The following RNF141 variants were observed in gnomAD, a reference collection of about 807,000 sequenced individuals.
RNF141 encodes the protein C3HC4-like zinc finger protein.
In RNF141, 18 loss-of-function variants were observed where a neutral mutation model predicts 27.4. That is an observed-to-expected ratio of 0.66 (90% CI 0.45 to 0.97). The LOEUF is 0.97. Among genes scored for constraint, RNF141 ranks in the 50% least tolerant of loss-of-function variants. The pLI, the probability that RNF141 is intolerant of heterozygous loss-of-function variation, is 0.00. For synonymous variants in RNF141, 97 were observed against 96.6 expected (o/e 1.00, Z -0.02); for missense variants, 230 against 279.4 (o/e 0.82, Z 1.26).
Position 10,514,886 on chromosome 11 carries a change from C to T in RNF141, c.*30G>A, listed in dbSNP as rs780777449. The T allele has an allele frequency of 1.9e-6, 3 of 1,583,822 alleles. No individual in the cohort carries two copies. The highest frequency in any genetic ancestry group is 2.7e-5 in the African/African-American group (2 of 73,778). ...CCCCATGACCAAATATTTGAGCCCACAATAGCAACAGAAGACTTTCACTTC... is the reference window on the plus strand; with the variant it reads ...CCCCATGACCAAATATTTGAGCCCATAATAGCAACAGAAGACTTTCACTTC... On this transcript the variant is annotated 3_prime_UTR_variant, in exon 6 of 6. Coordinates refer to ENST00000265981, the MANE Select transcript of RNF141 (RefSeq NM_016422.4).
rs1186947695 is a variant in RNF141 at position 10,515,263 on chromosome 11, T to C, written c.543-197A>G. 2.7e-5 allele frequency: 16 copies of C among 600,000 alleles called. No individual in the cohort carries two copies. The Admixed American group carries it at 5.3e-4, about 20-fold the overall frequency. 37.2% of individuals were successfully genotyped at this position (600,000 alleles called of 1,614,324 possible). On this transcript the variant is annotated intron_variant, in intron 5 of 5. Transcript: ENST00000265981. The stretch of plus-strand genomic sequence containing the variant: ...CCACAGTTACCAGTTTCTTATATAT[T>C]CCTCCAGAGATAGACTAAGCTGGAT...
At chr11:10,533,074 G>A (rs1292686697) in intron 2 of RNF141, among the ~76,000 whole-genome samples, 2 of 152,144 alleles carry the variant, frequency 1.3e-5, no homozygotes, top group African/African-American at 4.8e-5. Context: ...CATTTAAGAG[G>A]TGACTCCACA....
chr11:10,524,205 G>A (rs867540870), intron 4 of RNF141, among the ~76,000 whole-genome samples: 2 of 152,124 alleles, frequency 1.3e-5, no homozygotes, highest in Non-Finnish European at 2.9e-5. Flanking sequence ...CATGAGGTTG[G>A]GAAATGGAGA....
At position 10,512,425 on chromosome 11, in the gene RNF141, T is replaced by C. The variant is rs973123378; in HGVS notation, c.*2491A>G. The C allele has an allele frequency of 1.3e-5, 2 of 152,654 alleles. No homozygotes were observed. Among genetic ancestry groups the C allele is most frequent in the African/African-American group, 4.8e-5 (2 of 41,462 alleles). The allele number at this position is 152,654 out of a possible 1,614,324, so 9.5% of individuals were successfully genotyped here. ...ATCAGTAAGTGTCTTGGAGCTCATA[T>C]TGTAAAATAAAAAGGTTTGGGCCCT... On this transcript the variant is annotated 3_prime_UTR_variant, in exon 6 of 6. Transcript: ENST00000265981.
chr11:10,530,523 GT>G (rs1027561555), intron 3 of RNF141, 119 bp downstream of exon 3: 39 of 496,064 alleles, frequency 7.9e-5, no homozygotes, highest in African/African-American at 7.4e-4. Context: ...ACAAAACTAT[GT>G]TTTACAAAAC....
chr11:10,531,251 T>G (rs896716728), intron 2 of RNF141, among the ~76,000 whole-genome samples: 2 of 151,850 alleles, frequency 1.3e-5, no homozygotes, highest in Non-Finnish European at 2.9e-5. Flanking sequence ...GGCGTACACC[T>G]GTAATCCCAG....
intron 1 of RNF141, among the ~76,000 whole-genome samples, chr11:10,540,479 T>G (rs1564870592): frequency 6.6e-6 from 1 of 152,202 alleles, no homozygotes; most frequent in Non-Finnish European, 1.5e-5. Flanking sequence ...TGCTGTGTAA[T>G]CACTACCTTC....
chr11:10,525,086 A>AC, intron 4 of RNF141, 106 bp downstream of exon 4: 1 of 891,532 alleles, frequency 1.1e-6, no homozygotes, highest in Non-Finnish European at 1.6e-6. Flanking sequence ...ACTGAGAAAA[A>AC]AAAAAGATTT....
intron 2 of RNF141, among the ~76,000 whole-genome samples, chr11:10,531,021 C>T (rs1035215073): frequency 1.3e-5 from 2 of 152,064 alleles, no homozygotes; most frequent in African/African-American, 4.8e-5. Flanking sequence ...ACCTATATCT[C>T]AATGGTCTTT....
rs1238421591 is a variant in RNF141, at chr11:10,519,030, T to C, written c.542+4A>G. 6.2e-7 allele frequency: 1 copy of C among 1,612,466 alleles called. No individual in the cohort carries two copies. The highest frequency in any genetic ancestry group is 8.5e-7 in the Non-Finnish European group (1 of 1,178,720). On this transcript the variant is annotated splice_donor_region_variant and intron_variant, in intron 5 of 5. Coordinates refer to ENST00000265981, the MANE Select transcript of RNF141 (RefSeq NM_016422.4). ...CCAGCCCATGAATGCAGTAGGTAAC[T>C]TACCATTTATCAATACACTTCTGAC...
intron 5 of RNF141, 112 bp downstream of exon 5, chr11:10,518,922 G>T: frequency 1.4e-6 from 1 of 704,008 alleles, no homozygotes; most frequent in Non-Finnish European, 2.4e-6. Flanking sequence ...AAGTACTAAA[G>T]AATAAAATCT....
At chr11:10,521,309 G>A (rs1334721491) in intron 4 of RNF141, among the ~76,000 whole-genome samples, 4 of 152,192 alleles carry the variant, frequency 2.6e-5, no homozygotes, top group Admixed American at 2.0e-4. Context: ...TGATTGGCTG[G>A]CCTTTCCATA....
At chr11:10,538,159 T>TA (rs1282821517) in intron 1 of RNF141, among the ~76,000 whole-genome samples, 2 of 152,246 alleles carry the variant, frequency 1.3e-5, no homozygotes, top group African/African-American at 2.4e-5. Context: ...GTAAAGTTTA[T>TA]AATTTGAGGC....
chr11:10,529,433 A>G (rs898871270), intron 3 of RNF141, among the ~76,000 whole-genome samples: 4 of 152,252 alleles, frequency 2.6e-5, no homozygotes, highest in Non-Finnish European at 5.9e-5. Context: ...AAACACAATA[A>G]GCAGAAGCAC....
At chr11:10,535,836 T>C (rs1850030023) in intron 1 of RNF141, among the ~76,000 whole-genome samples, 1 of 152,212 alleles carries the variant, frequency 6.6e-6, no homozygotes, top group Non-Finnish European at 1.5e-5. Flanking sequence ...TACTACACAT[T>C]GTCCTTATTT....
chr11:10,522,921 G>A (rs866589207), intron 4 of RNF141, among the ~76,000 whole-genome samples: 18 of 152,190 alleles, frequency 1.2e-4, no homozygotes, highest in Non-Finnish European at 7.3e-5. Flanking sequence ...CACAGGAGTG[G>A]AGCCAGGATT....
chr11:10,534,122 TAAC>T lies in RNF141; in HGVS notation c.34_36del (p.Val12del), dbSNP rs1243201211. On this transcript the variant is annotated inframe_deletion, in exon 2 of 6. Coordinates refer to ENST00000265981, the MANE Select transcript of RNF141 (RefSeq NM_016422.4). Reference sequence around the variant, plus strand: ...GCTACTTTTTCTGGTAACTTGTTAATAACCAACTGTGTCTGATCCGAAATTTGC... The same window carrying T: ...GCTACTTTTTCTGGTAACTTGTTAATCAACTGTGTCTGATCCGAAATTTGC... The T allele has an allele frequency of 6.2e-7, 1 of 1,613,588 alleles. No individual in the cohort carries two copies. Among genetic ancestry groups the T allele is most frequent in the Non-Finnish European group, 8.5e-7 (1 of 1,179,714 alleles).
rs1358846984 is a variant in RNF141, at chr11:10,512,005, A to G, written c.*2911T>C. The G allele has an allele frequency of 1.3e-5, 2 of 152,672 alleles. No homozygotes were observed. The highest frequency in any genetic ancestry group is 2.9e-5 in the Non-Finnish European group (2 of 68,040). 9.5% of individuals were successfully genotyped at this position (152,672 alleles called of 1,614,324 possible). ...GAATAACACAGATCCTATTATTCTC[A>G]ACCTCTAAATTCAGTACATAGTAAA... On this transcript the variant is annotated 3_prime_UTR_variant, in exon 6 of 6. Coordinates refer to ENST00000265981, the MANE Select transcript of RNF141 (RefSeq NM_016422.4).
At chr11:10,516,776 T>C (rs1325603143) in intron 5 of RNF141, 1 of 151,940 alleles carries the variant, frequency 6.6e-6, no homozygotes, top group Non-Finnish European at 1.5e-5. Flanking sequence ...CTCTAAAGGG[T>C]CTTGCTATTA....
Sources: allele counts gnomAD v4.1 joint callset (sites outside exome capture counted in the v4.1 genomes callset), GRCh38; gene constraint gnomAD v4.1.1; transcripts MANE v1.5; gene names NCBI Gene and HGNC (gene_info 2026-07-23, HGNC 2026-07-21).